The following CHN2 variants were observed in gnomAD, a reference collection of about 807,000 sequenced individuals.
CHN2 encodes chimerin 2.
Under a neutral mutation model 56.3 loss-of-function variants are expected in CHN2, and 35 were observed. The observed-to-expected ratio is 0.62, with a 90% CI of 0.47 to 0.82. CHN2 has a LOEUF of 0.82. CHN2 is among the 40% of genes least tolerant of loss of function. CHN2 has a pLI of 0.00. For missense variants in CHN2, 491 were observed against 580.5 expected, an observed-to-expected ratio of 0.85 and a Z score of 1.58; for synonymous variants, 210 against 212.8, an observed-to-expected ratio of 0.99 and a Z score of 0.12.
intron 3 of CHN2, among the ~76,000 whole-genome samples, chr7:29,387,255 C>A (rs1305794817): frequency 6.6e-6 from 1 of 152,166 alleles, no homozygotes. Flanking sequence ...TGTGAAACAG[C>A]CTTATTAAAA....
chr7:29,187,664 G>A (rs1410635066), intron 2 of CHN2, among the ~76,000 whole-genome samples: 2 of 151,928 alleles, frequency 1.3e-5, no homozygotes, highest in African/African-American at 4.8e-5. Context: ...GGAGGCAGAG[G>A]TTGCAATGAG....
intron 6 of CHN2, among the ~76,000 whole-genome samples, chr7:29,446,246 C>G (rs1262355949): frequency 1.3e-5 from 2 of 152,140 alleles, no homozygotes; most frequent in Non-Finnish European, 2.9e-5. Flanking sequence ...ATCCATGTAA[C>G]TAAACACCAC....
Position 29,441,167 on chromosome 7 carries a change from A to G in CHN2, c.577-39112A>G, listed in dbSNP as rs193204195. Among the ~76,000 whole-genome samples, 285 of 152,318 alleles carry G rather than the reference A, an allele frequency of 1.9e-3. 1 individual carries two copies. The highest frequency in any genetic ancestry group is 6.5e-3 in the African/African-American group (272 of 41,564). The stretch of plus-strand genomic sequence containing the variant: ...TTTTTTTTGTTGAGATCCATGTCCA[A>G]TTGATTTTTGACAAGGATGCCAAGA... On this transcript the variant is annotated intron_variant, in intron 6 of 12. Coordinates refer to ENST00000222792, the MANE Select transcript of CHN2 (RefSeq NM_004067.4).
chr7:29,405,293 T>G (rs960741064), intron 6 of CHN2, among the ~76,000 whole-genome samples: 1 of 151,364 alleles, frequency 6.6e-6, no homozygotes, highest in African/African-American at 2.4e-5. Context: ...ACACTTTCAT[T>G]TCTCCATGGG....
intron 5 of CHN2, among the ~76,000 whole-genome samples, chr7:29,400,032 A>C (rs1458389893): frequency 2.0e-5 from 3 of 152,128 alleles, no homozygotes; most frequent in Non-Finnish European, 4.4e-5. Context: ...GGCGGAAGGC[A>C]TGGGGTGCTC....
At chr7:29,245,309 A>T (rs932155395) in intron 1 of CHN2, among the ~76,000 whole-genome samples, 1 of 152,238 alleles carries the variant, frequency 6.6e-6, no homozygotes, top group African/African-American at 2.4e-5. Flanking sequence ...AATCAGGCTA[A>T]CAAAAGGTAG....
chr7:29,296,642 T>C (rs143343063), intron 1 of CHN2, among the ~76,000 whole-genome samples: 285 of 152,326 alleles, frequency 1.9e-3, no homozygotes, highest in African/African-American at 6.5e-3. Context: ...CTTGAAGGTA[T>C]TTGCATGTTA....
At chr7:29,443,511 A>G (rs1452113434) in intron 6 of CHN2, among the ~76,000 whole-genome samples, 5 of 151,890 alleles carry the variant, frequency 3.3e-5, no homozygotes, top group Admixed American at 2.0e-4. Flanking sequence ...ATACATGACT[A>G]TGTGTGTGTG....
intron 1 of CHN2, among the ~76,000 whole-genome samples, chr7:29,206,953 A>G (rs1422563093): frequency 2.0e-5 from 3 of 152,198 alleles, no homozygotes; most frequent in African/African-American, 7.2e-5. Context: ...GTTTGGAGTG[A>G]AATGGGGAGT....
intron 1 of CHN2, among the ~76,000 whole-genome samples, chr7:29,235,569 A>G (rs534550209): frequency 1.1e-4 from 17 of 152,374 alleles, no homozygotes; most frequent in African/African-American, 3.8e-4. Context: ...TCATTCTACC[A>G]TAAAGACACA....
chr7:29,470,157 C>T (rs1785903707), intron 6 of CHN2, among the ~76,000 whole-genome samples: 1 of 152,206 alleles, frequency 6.6e-6, no homozygotes, highest in Non-Finnish European at 1.5e-5. Flanking sequence ...CAATCACACA[C>T]ACTCTGACAT....
At chr7:29,261,170 A>G (rs548694953) in intron 1 of CHN2, among the ~76,000 whole-genome samples, 133 of 152,222 alleles carry the variant, frequency 8.7e-4, no homozygotes, top group Non-Finnish European at 1.3e-3. Flanking sequence ...ATTATCTCCT[A>G]TTATTCTCCA....
At chr7:29,295,506 T>A (rs1037531860) in intron 1 of CHN2, among the ~76,000 whole-genome samples, 3 of 151,672 alleles carry the variant, frequency 2.0e-5, no homozygotes, top group Non-Finnish European at 4.4e-5. Flanking sequence ...CTCACGCCTG[T>A]GATCTCAGCA....
At chr7:29,306,052 G>A (rs765097029) in intron 1 of CHN2, among the ~76,000 whole-genome samples, 23 of 152,148 alleles carry the variant, frequency 1.5e-4, no homozygotes, top group African/African-American at 5.5e-4. Flanking sequence ...ATGCACAATC[G>A]TTGTCAGACA....
chr7:29,284,060 T>G (rs1791950441), intron 1 of CHN2, among the ~76,000 whole-genome samples: 1 of 149,158 alleles, frequency 6.7e-6, no homozygotes. Flanking sequence ...ACTACAGACA[T>G]GCGTCACCAC....
intron 6 of CHN2, among the ~76,000 whole-genome samples, chr7:29,413,425 T>C (rs1296008551): frequency 6.6e-6 from 1 of 152,212 alleles, no homozygotes; most frequent in African/African-American, 2.4e-5. Context: ...CCACAGTACA[T>C]ATAAATTCCA....
At chr7:29,356,445 C>G (rs535805095) in intron 2 of CHN2, among the ~76,000 whole-genome samples, 1 of 152,126 alleles carries the variant, frequency 6.6e-6, no homozygotes, top group African/African-American at 2.4e-5. Flanking sequence ...TCCACAAATT[C>G]CCCACCCCAT....
At chr7:29,227,082 G>C (rs143836773) in intron 1 of CHN2, among the ~76,000 whole-genome samples, 70 of 152,238 alleles carry the variant, frequency 4.6e-4, no homozygotes, top group Non-Finnish European at 9.1e-4. Flanking sequence ...ACTATTCTAG[G>C]CCTATTCTAC....
intron 3 of CHN2, among the ~76,000 whole-genome samples, chr7:29,381,521 T>C (rs1225159908): frequency 6.6e-6 from 1 of 152,110 alleles, no homozygotes; most frequent in African/African-American, 2.4e-5. Context: ...GTGCCACTCA[T>C]GGCTGGGCTT....
Sources: gnomAD v4.1 joint callset for allele counts (sites outside exome capture counted in the v4.1 genomes callset) on GRCh38, gnomAD v4.1.1 for gene constraint, MANE v1.5 for transcripts, NCBI Gene and HGNC (gene_info 2026-07-23, HGNC 2026-07-21) for gene names.